Variants in CCDC178 observed in about 807,000 individuals in gnomAD.
CCDC178 encodes the protein coiled-coil domain containing 178, also known as coiled-coil domain-containing protein 178.
Under a neutral mutation model 117.4 loss-of-function variants are expected in CCDC178, and 126 were observed. The ratio of observed to expected loss-of-function variants is 1.07; its 90% CI spans 0.93 to 1.24. CCDC178 has a LOEUF of 1.24. CCDC178 is among the 50% of genes most tolerant of loss of function. The pLI, the probability that CCDC178 is intolerant of heterozygous loss-of-function variation, is 0.00. For missense variants in CCDC178, 1,030 were observed against 986.9 expected, an observed-to-expected ratio of 1.04 and a Z score of -0.59; for synonymous variants, 283 against 313.4, an observed-to-expected ratio of 0.90 and a Z score of 1.02.
At chr18:33,286,880 T>C (rs2060104575) in intron 12 of CCDC178, among the ~76,000 whole-genome samples, 1 of 152,188 alleles carries the variant, frequency 6.6e-6, no homozygotes, top group South Asian at 2.1e-4. Flanking sequence ...AAATTGCACA[T>C]CATAAAATTA....
chr18:33,255,673 C>A (rs1262439036), intron 14 of CCDC178, among the ~76,000 whole-genome samples: 1 of 151,742 alleles, frequency 6.6e-6, no homozygotes, highest in Non-Finnish European at 1.5e-5. Flanking sequence ...GTTGGTAGAG[C>A]TAGAGAATGT....
chr18:33,117,320 G>A (rs567899028), intron 20 of CCDC178, among the ~76,000 whole-genome samples: 1 of 152,146 alleles, frequency 6.6e-6, no homozygotes, highest in African/African-American at 2.4e-5. Context: ...AAATGGCCAT[G>A]GTGTTTATGG....
At chr18:33,381,660 C>A (rs777342214) in intron 5 of CCDC178, among the ~76,000 whole-genome samples, 1 of 152,082 alleles carries the variant, frequency 6.6e-6, no homozygotes, top group Non-Finnish European at 1.5e-5. Context: ...TCAAATCTCT[C>A]CTGATCCATT....
At chr18:33,399,006 C>G (rs950318318) in intron 3 of CCDC178, among the ~76,000 whole-genome samples, 2 of 152,122 alleles carry the variant, frequency 1.3e-5, no homozygotes, top group Non-Finnish European at 2.9e-5. Flanking sequence ...TTGAGACCAG[C>G]CTGACCAACA....
chr18:33,026,032 GA>G (rs199967016), intron 21 of CCDC178, among the ~76,000 whole-genome samples: 35 of 148,892 alleles, frequency 2.4e-4, no homozygotes, highest in East Asian at 1.4e-3. Flanking sequence ...AACTGCTTAG[GA>G]AAAAAAAATG....
chr18:33,080,738 T>G (rs1343682942), intron 21 of CCDC178, among the ~76,000 whole-genome samples: 1 of 152,196 alleles, frequency 6.6e-6, no homozygotes, highest in African/African-American at 2.4e-5. Context: ...GGTGTTTTTA[T>G]GAATTAAATA....
chr18:33,119,730 G>A (rs1704294655), intron 20 of CCDC178, among the ~76,000 whole-genome samples: 1 of 152,152 alleles, frequency 6.6e-6, no homozygotes, highest in Admixed American at 6.5e-5. Context: ...AAAGACACAT[G>A]CACACGTATG....
chr18:33,382,876 T>G (rs2063453465), intron 5 of CCDC178, among the ~76,000 whole-genome samples: 1 of 152,154 alleles, frequency 6.6e-6, no homozygotes, highest in Non-Finnish European at 1.5e-5. Flanking sequence ...CAGTCTTGCT[T>G]GGCAGGTCCC....
At chr18:33,077,556 G>C (rs1293639903) in intron 21 of CCDC178, among the ~76,000 whole-genome samples, 2 of 152,012 alleles carry the variant, frequency 1.3e-5, no homozygotes, top group African/African-American at 4.8e-5. Context: ...GAAGAAAAGA[G>C]AGAAGATCCA....
intron 10 of CCDC178, among the ~76,000 whole-genome samples, chr18:33,327,853 T>C (rs367799083): frequency 2.0e-5 from 3 of 152,110 alleles, no homozygotes; most frequent in African/African-American, 7.2e-5. Flanking sequence ...TAGTTGTTTG[T>C]CTTTCAGTTG....
intron 4 of CCDC178, among the ~76,000 whole-genome samples, chr18:33,392,261 A>G (rs900037121): frequency 1.2e-4 from 19 of 152,178 alleles, no homozygotes; most frequent in Non-Finnish European, 2.9e-5. Flanking sequence ...CTAGAGGCAA[A>G]TGTCCTATTT....
intron 22 of CCDC178, among the ~76,000 whole-genome samples, chr18:32,945,776 T>C (rs1026446841): frequency 3.9e-5 from 6 of 152,170 alleles, no homozygotes; most frequent in African/African-American, 1.4e-4. Flanking sequence ...GTTTTTACCA[T>C]GTTCATGCAG....
chr18:33,249,295 G>T (rs1366833107), intron 14 of CCDC178, among the ~76,000 whole-genome samples: 2 of 152,034 alleles, frequency 1.3e-5, no homozygotes, highest in Non-Finnish European at 2.9e-5. Context: ...GTCTATTTTG[G>T]CTTTTGTTGC....
At chr18:33,126,951 G>A (rs2058012176) in intron 20 of CCDC178, among the ~76,000 whole-genome samples, 1 of 149,084 alleles carries the variant, frequency 6.7e-6, no homozygotes, top group African/African-American at 2.5e-5. Flanking sequence ...CACTGTGCCT[G>A]GCTGCAACTA....
chr18:33,314,196 G>A (rs1490611685), intron 11 of CCDC178, among the ~76,000 whole-genome samples: 6 of 66,694 alleles, frequency 9.0e-5, no homozygotes, highest in African/African-American at 2.6e-4. Context: ...GCGAGACTCC[G>A]TCTCAAAAAA....
rs1182441854 is a variant in CCDC178 at position 33,335,033 on chromosome 18, T to C, written c.659-1639A>G. Among the ~76,000 whole-genome samples, 3 of 152,178 alleles carry C rather than the reference T, an allele frequency of 2.0e-5. No individual in the cohort carries two copies. The East Asian group carries it at 5.8e-4, about 29-fold the overall frequency. On this transcript the variant is annotated intron_variant, in intron 9 of 22. Transcript: ENST00000383096. The stretch of plus-strand genomic sequence containing the variant: ...ATCTGAATCAGTTATACATTCTCAC[T>C]GTGTTTTTTGTTAATTTTGCCATTG...
intron 10 of CCDC178, among the ~76,000 whole-genome samples, chr18:33,328,369 G>T (rs2062617603): frequency 1.3e-5 from 2 of 151,978 alleles, no homozygotes; most frequent in African/African-American, 4.8e-5. Context: ...CCAAAGTGCT[G>T]GGATTACAGG....
At chr18:33,238,804 T>G (rs540226665) in intron 15 of CCDC178, among the ~76,000 whole-genome samples, 1 of 152,184 alleles carries the variant, frequency 6.6e-6, no homozygotes, top group South Asian at 2.1e-4. Flanking sequence ...AGATTCAACA[T>G]AACAAGTCCT....
At position 33,320,535 on chromosome 18, in the gene CCDC178, A is replaced by G. The variant is rs1372542079; in HGVS notation, c.1022+2956T>C. On this transcript the variant is annotated intron_variant, in intron 11 of 22. Transcript: ENST00000383096. ...AAAATACCTAGGAATCCAACTTACA[A>G]GGGATGTGAAGGACTCTTCAAGGAG... is the stretch of plus-strand genomic sequence containing the variant. Among the ~76,000 whole-genome samples the G allele has an allele frequency of 2.6e-5, 4 of 152,192 alleles. No homozygotes were observed. In the South Asian group the frequency reaches 6.2e-4, roughly 24 times the overall value.
Sources: gnomAD v4.1 joint callset for allele counts (sites outside exome capture counted in the v4.1 genomes callset) on GRCh38, gnomAD v4.1.1 for gene constraint, MANE v1.5 for transcripts, NCBI Gene and HGNC (gene_info 2026-07-23, HGNC 2026-07-21) for gene names.